PPP3CA: variants seen among roughly 807,000 people sequenced by gnomAD.
PPP3CA encodes the protein protein phosphatase 3 catalytic subunit alpha.
In PPP3CA, 14 loss-of-function variants were observed where a neutral mutation model predicts 66.5. The observed-to-expected ratio is 0.21, with a 90% CI of 0.14 to 0.33. PPP3CA has a LOEUF of 0.33. PPP3CA is among the 10% of genes least tolerant of loss of function. The probability of loss-of-function intolerance (pLI) is 1.00; values close to 1 mark genes in which losing one functional copy is unlikely to be tolerated. For missense variants in PPP3CA, 317 were observed against 639.5 expected (o/e 0.50, Z 5.44); for synonymous variants, 232 against 226.2 (o/e 1.03, Z -0.23).
intron 1 of PPP3CA, among the ~76,000 whole-genome samples, chr4:101,315,016 A>G (rs187756827): frequency 2.0e-5 from 3 of 152,288 alleles, no homozygotes; most frequent in Middle Eastern, 3.4e-3. Flanking sequence ...TAACATCTGG[A>G]TATTTGTGCT....
At chr4:101,218,109 A>ATCAAATATT (rs1725510778) in intron 1 of PPP3CA, among the ~76,000 whole-genome samples, 2 of 152,100 alleles carry the variant, frequency 1.3e-5, no homozygotes, top group African/African-American at 4.8e-5. Flanking sequence ...GTCTTAATAA[A>ATCAAATATT]CTTGATGGAA....
rs193074261 is a variant in PPP3CA, at chr4:101,322,026, C to T, written c.58+24713G>A. ...TCATTTGTCCTTTAACACTTCTGCC[C>T]CAGAACCCTTGTCAAATGAGCTCTT... On this transcript the variant is annotated intron_variant, in intron 1 of 13. Coordinates refer to ENST00000394854, the MANE Select transcript of PPP3CA (RefSeq NM_000944.5). Among the ~76,000 whole-genome samples, 66 of 152,248 alleles carry T rather than the reference C, an allele frequency of 4.3e-4. No individual in the cohort carries two copies. In the South Asian group the frequency reaches 5.6e-3, roughly 13 times the overall value.
chr4:101,307,228 C>G (rs1239121273), intron 1 of PPP3CA, among the ~76,000 whole-genome samples: 2 of 151,360 alleles, frequency 1.3e-5, no homozygotes, highest in Non-Finnish European at 2.9e-5. Flanking sequence ...ATGACCCTAC[C>G]TTACGTGGAA....
intron 2 of PPP3CA, among the ~76,000 whole-genome samples, chr4:101,143,207 C>T (rs1488510225): frequency 6.6e-6 from 1 of 152,142 alleles, no homozygotes; most frequent in Admixed American, 6.6e-5. Flanking sequence ...CTTATGGTCT[C>T]AGAAGGTCTT....
intron 8 of PPP3CA, among the ~76,000 whole-genome samples, chr4:101,076,191 A>G (rs894631329): frequency 7.9e-5 from 12 of 152,146 alleles, no homozygotes; most frequent in African/African-American, 2.9e-4. Flanking sequence ...GCAAATGTTT[A>G]ACTCCAATTT....
At chr4:101,055,951 A>C (rs940181290) in intron 10 of PPP3CA, among the ~76,000 whole-genome samples, 3 of 152,012 alleles carry the variant, frequency 2.0e-5, no homozygotes, top group Non-Finnish European at 4.4e-5. Flanking sequence ...ATTTTATTTT[A>C]CAGTATATTT....
At chr4:101,049,883 C>T (rs1437614234) in intron 10 of PPP3CA, among the ~76,000 whole-genome samples, 2 of 152,074 alleles carry the variant, frequency 1.3e-5, no homozygotes, top group African/African-American at 4.8e-5. Flanking sequence ...TAATACAACT[C>T]CTTCATCTGA....
chr4:101,172,426 C>CA (rs758771986), intron 2 of PPP3CA, among the ~76,000 whole-genome samples: 6 of 152,086 alleles, frequency 3.9e-5, no homozygotes, highest in Non-Finnish European at 5.9e-5. Flanking sequence ...GTTGGTGCTA[C>CA]ATTAATTACC....
At chr4:101,287,704 G>A (rs1727888639) in intron 1 of PPP3CA, among the ~76,000 whole-genome samples, 1 of 151,120 alleles carries the variant, frequency 6.6e-6, no homozygotes, top group South Asian at 2.1e-4. Context: ...GCCTTCCAAG[G>A]TATACAGATC....
At chr4:101,264,203 C>T (rs1453427703) in intron 1 of PPP3CA, among the ~76,000 whole-genome samples, 1 of 152,110 alleles carries the variant, frequency 6.6e-6, no homozygotes, top group Non-Finnish European at 1.5e-5. Context: ...TCTTTTTCCC[C>T]CATGTCTTTT....
intron 1 of PPP3CA, among the ~76,000 whole-genome samples, chr4:101,238,441 G>T (rs934463884): frequency 6.6e-6 from 1 of 151,636 alleles, no homozygotes; most frequent in Admixed American, 6.6e-5. Flanking sequence ...ATAAAAAGCA[G>T]TTTATGAATT....
intron 1 of PPP3CA, among the ~76,000 whole-genome samples, chr4:101,255,626 AAAGT>A (rs774385262): frequency 1.3e-5 from 2 of 151,872 alleles, no homozygotes; most frequent in Non-Finnish European, 2.9e-5. Context: ...TTGTCAACCA[AAAGT>A]AAGTAAATTC....
At chr4:101,169,087 G>C (rs1006747422) in intron 2 of PPP3CA, among the ~76,000 whole-genome samples, 5 of 152,072 alleles carry the variant, frequency 3.3e-5, no homozygotes, top group African/African-American at 1.2e-4. Flanking sequence ...TTGCACAAGG[G>C]CAATTAATTG....
Position 101,033,275 on chromosome 4 carries a change from GACACACACACACACACAAACAC to G in PPP3CA, c.1242-933_1242-912del, listed in dbSNP as rs1269154551. 1.9e-3 allele frequency among the ~76,000 whole-genome samples: 247 copies of G among 126,910 alleles called. 2 individuals carry two copies. Among genetic ancestry groups the G allele is most frequent in the African/African-American group, 6.4e-3 (218 of 33,974 alleles). 83.3% of individuals were successfully genotyped at this position (126,910 alleles called of 152,430 possible). A position where few individuals can be genotyped will look rare whatever the true frequency, so the allele number is the denominator to read the frequency against. ...TTGCGTGTATATATACATACATAGAGACACACACACACACACAAACACACACACACACACACACACACACACA... is the reference window on the plus strand; with the variant it reads ...TTGCGTGTATATATACATACATAGAGACACACACACACACACACACACACA... On this transcript the variant is annotated intron_variant, in intron 11 of 13. Transcript: ENST00000394854.
chr4:101,038,809 C>A (rs190214207), intron 11 of PPP3CA, among the ~76,000 whole-genome samples: 8 of 152,290 alleles, frequency 5.3e-5, no homozygotes, highest in Non-Finnish European at 1.2e-4. Flanking sequence ...TGGATAGGAT[C>A]TCTCTATATT....
intron 1 of PPP3CA, among the ~76,000 whole-genome samples, chr4:101,302,528 C>T (rs373278904): frequency 1.2e-4 from 19 of 152,100 alleles, no homozygotes; most frequent in Admixed American, 1.0e-3. Context: ...GCTGCCATTA[C>T]GGCACTTTTC....
intron 2 of PPP3CA, among the ~76,000 whole-genome samples, chr4:101,146,662 C>T (rs1159455965): frequency 6.6e-6 from 1 of 151,958 alleles, no homozygotes; most frequent in Non-Finnish European, 1.5e-5. Context: ...AGGCTGGCCT[C>T]GAACTCCTGA....
chr4:101,066,762 C>A (rs557055868), intron 8 of PPP3CA, among the ~76,000 whole-genome samples: 3 of 152,150 alleles, frequency 2.0e-5, no homozygotes, highest in Non-Finnish European at 4.4e-5. Context: ...CCACCTCCCA[C>A]ATCCTCCGCC....
chr4:101,344,438 C>T (rs1729915220), intron 1 of PPP3CA, among the ~76,000 whole-genome samples: 1 of 152,132 alleles, frequency 6.6e-6, no homozygotes. Flanking sequence ...AGTGTATCCA[C>T]CTTAAAATCA....
Sources: gnomAD v4.1 joint callset for allele counts (sites outside exome capture counted in the v4.1 genomes callset) on GRCh38, gnomAD v4.1.1 for gene constraint, MANE v1.5 for transcripts, NCBI Gene and HGNC (gene_info 2026-07-23, HGNC 2026-07-21) for gene names.